NTRK3: variants seen among roughly 807,000 people sequenced by gnomAD.
NTRK3 encodes neurotrophic receptor tyrosine kinase 3.
A neutral mutation model predicts 91.7 loss-of-function variants in NTRK3; 24 were observed. The ratio of observed to expected loss-of-function variants is 0.26; its 90% CI spans 0.19 to 0.37. The LOEUF (loss-of-function observed/expected upper bound fraction) is 0.37. Ranked by LOEUF, NTRK3 falls within the 10% of genes least tolerant of loss-of-function variation. The pLI is 1.00. For synonymous variants in NTRK3, 483 were observed against 404.0 expected (o/e 1.20, Z -2.34); for missense variants, 880 against 1,068.9 (o/e 0.82, Z 2.46).
intron 13 of NTRK3, among the ~76,000 whole-genome samples, chr15:88,079,607 G>T (rs1457894428): frequency 1.3e-5 from 2 of 152,160 alleles, no homozygotes; most frequent in Non-Finnish European, 2.9e-5. Flanking sequence ...AAACCCTAAA[G>T]GGATTTAATT....
chr15:88,108,215 C>T (rs553426559), intron 13 of NTRK3, among the ~76,000 whole-genome samples: 2 of 152,312 alleles, frequency 1.3e-5, no homozygotes, highest in South Asian at 2.1e-4. Flanking sequence ...AGTGCCTACC[C>T]TCCATGAAAC....
chr15:87,863,869 T>G (rs757689835), exon 19 of NTRK3: 1 of 231,952 alleles, frequency 4.3e-6, no homozygotes, highest in Non-Finnish European at 8.5e-6. Context: ...CTAATTTTAT[T>G]GTCACATTCT....
At chr15:88,246,239 C>A (rs1409489962) in intron 3 of NTRK3, among the ~76,000 whole-genome samples, 1 of 152,238 alleles carries the variant, frequency 6.6e-6, no homozygotes, top group African/African-American at 2.4e-5. Flanking sequence ...GAAGCACTGT[C>A]AAAACCAGCC....
Position 87,986,365 on chromosome 15 carries a change from TAAAC to T in NTRK3, c.1586-45616_1586-45613del, listed in dbSNP as rs1392980217. On this transcript the variant is annotated intron_variant, in intron 14 of 18. Coordinates refer to ENST00000394480, the Ensembl canonical transcript of NTRK3. ...TTTTGATATCTTCTTCTCAAATTTC[TAAAC>T]AAATAATCCATTACTGCAATGGCTG... Among the ~76,000 whole-genome samples the T allele has an allele frequency of 2.6e-5, 4 of 152,352 alleles. No homozygotes were observed. In the South Asian group the frequency reaches 6.2e-4, roughly 24 times the overall value.
chr15:88,034,732 C>T (rs937071022), intron 13 of NTRK3, among the ~76,000 whole-genome samples: 2 of 152,170 alleles, frequency 1.3e-5, no homozygotes, highest in Admixed American at 6.5e-5. Context: ...ATGGAGGACC[C>T]TGAATTCCAC....
At chr15:88,078,151 T>C (rs971299730) in intron 13 of NTRK3, among the ~76,000 whole-genome samples, 1 of 152,118 alleles carries the variant, frequency 6.6e-6, no homozygotes, top group East Asian at 1.9e-4. Flanking sequence ...GATGGGTCTC[T>C]TGACATCTCG....
chr15:88,008,619 T>C (rs776577996), intron 14 of NTRK3, among the ~76,000 whole-genome samples: 1 of 152,126 alleles, frequency 6.6e-6, no homozygotes, highest in African/African-American at 2.4e-5. Context: ...TTTTAAATTC[T>C]ACTAAGTTCC....
At chr15:88,070,932 C>T (rs1184702919) in intron 13 of NTRK3, among the ~76,000 whole-genome samples, 1 of 152,072 alleles carries the variant, frequency 6.6e-6, no homozygotes, top group African/African-American at 2.4e-5. Context: ...AGATTCCTAG[C>T]CCTCTAGCAG....
At chr15:87,880,496 C>T (rs2065180531) in intron 17 of NTRK3, 68 bp from the exon 19 acceptor site, 1 of 1,529,744 alleles carries the variant, frequency 6.5e-7, no homozygotes, top group African/African-American at 1.4e-5. Flanking sequence ...TCTGTCTGCA[C>T]TCTTCACACA....
At chr15:88,213,441 G>A (rs1363162983) in intron 3 of NTRK3, among the ~76,000 whole-genome samples, 1 of 152,244 alleles carries the variant, frequency 6.6e-6, no homozygotes, top group Admixed American at 6.5e-5. Flanking sequence ...GTCCACTTGA[G>A]ATGCTGTGAG....
Position 87,999,968 on chromosome 15 carries a change from G to A in NTRK3, c.1585+32889C>T, listed in dbSNP as rs140839177. 2.0e-3 allele frequency among the ~76,000 whole-genome samples: 305 copies of A among 152,254 alleles called. 2 individuals are homozygous for A. The highest frequency in any genetic ancestry group is 7.1e-3 in the African/African-American group (293 of 41,544). On this transcript the variant is annotated intron_variant, in intron 14 of 18. Transcript: ENST00000394480. ...CAGACTTAGGGATCTGAGAGTACAGGGCTTGGACTTCTTAGTGCTATGATA... is the reference window on the plus strand; with the variant it reads ...CAGACTTAGGGATCTGAGAGTACAGAGCTTGGACTTCTTAGTGCTATGATA...
At chr15:88,142,302 A>G (rs2042460762) in intron 6 of NTRK3, among the ~76,000 whole-genome samples, 1 of 152,266 alleles carries the variant, frequency 6.6e-6, no homozygotes, top group South Asian at 2.1e-4. Flanking sequence ...AGGCAGTCGC[A>G]TTAATAATAC....
At chr15:88,187,732 G>A (rs921405883) in intron 3 of NTRK3, among the ~76,000 whole-genome samples, 10 of 151,980 alleles carry the variant, frequency 6.6e-5, no homozygotes, top group African/African-American at 2.2e-4. Flanking sequence ...TCAGGAGTTC[G>A]AGACCAGCCT....
At chr15:88,150,357 T>C (rs990892040) in intron 5 of NTRK3, among the ~76,000 whole-genome samples, 1 of 152,072 alleles carries the variant, frequency 6.6e-6, no homozygotes, top group African/African-American at 2.4e-5. Context: ...CAAAAGAAAA[T>C]TGGATTCTGA....
At chr15:87,895,826 T>G (rs563071254) in intron 17 of NTRK3, among the ~76,000 whole-genome samples, 266 of 151,728 alleles carry the variant, frequency 1.8e-3, no homozygotes, top group African/African-American at 6.1e-3. Flanking sequence ...TTATTTATTT[T>G]TATTATACTT....
At chr15:87,991,238 C>T (rs558665462) in intron 14 of NTRK3, among the ~76,000 whole-genome samples, 8 of 152,244 alleles carry the variant, frequency 5.3e-5, no homozygotes, top group African/African-American at 1.9e-4. Flanking sequence ...AGTCTTTTCA[C>T]CCCTGGCTAC....
rs1337329004 is a variant in NTRK3, at chr15:88,243,746, G to C, written c.248+12160C>G. On this transcript the variant is annotated intron_variant, in intron 3 of 18. Coordinates refer to ENST00000394480, the Ensembl canonical transcript of NTRK3. This position sits in a 1 kb window ranked among gnomAD's most constrained non-coding sequence, Gnocchi z 4.8. ...AGACTGTATGAAAGCATGTCAAAAA[G>C]AGTGGTGCCCCAGGAAAACACCAGA... is the stretch of plus-strand genomic sequence containing the variant. Among the ~76,000 whole-genome samples, 2 of 152,184 alleles carry C rather than the reference G, an allele frequency of 1.3e-5. No homozygotes were observed. Among genetic ancestry groups the C allele is most frequent in the Non-Finnish European group, 2.9e-5 (2 of 68,046 alleles).
rs1263516013 is a variant in NTRK3 at position 88,235,959 on chromosome 15, G to A, written c.248+19947C>T. 1.3e-5 allele frequency among the ~76,000 whole-genome samples: 2 copies of A among 152,180 alleles called. No homozygotes were observed. Among genetic ancestry groups the A allele is most frequent in the African/African-American group, 2.4e-5 (1 of 41,454 alleles). On this transcript the variant is annotated intron_variant, in intron 3 of 18. Coordinates refer to ENST00000394480, the Ensembl canonical transcript of NTRK3. The surrounding 1 kb of genome is among the most constrained non-coding windows in gnomAD (Gnocchi z 5.2). ...TCCTGTTTCGATGAGTCACATAAAT[G>A]TGTCTCTCCTAACCCAGATTAATCA...
At chr15:88,185,243 A>G (rs537927177) in intron 3 of NTRK3, among the ~76,000 whole-genome samples, 80 of 152,364 alleles carry the variant, frequency 5.3e-4, no homozygotes, top group African/African-American at 1.9e-3. Flanking sequence ...AATATAAATC[A>G]CTATTAACCA....
Sources: gnomAD v4.1 joint callset for allele counts (sites outside exome capture counted in the v4.1 genomes callset) on GRCh38, gnomAD v4.1.1 for gene constraint, Gnocchi (gnomAD v3.1) non-coding constraint, MANE v1.5 for transcripts, NCBI Gene and HGNC (gene_info 2026-07-23, HGNC 2026-07-21) for gene names.